The following EPHB1 variants were observed in gnomAD, a reference collection of about 807,000 sequenced individuals.
The protein encoded by EPHB1 is EPH receptor B1.
Under a neutral mutation model 94.4 loss-of-function variants are expected in EPHB1, and 30 were observed. The ratio of observed to expected loss-of-function variants is 0.32; its 90% CI spans 0.24 to 0.43. The LOEUF (loss-of-function observed/expected upper bound fraction) is 0.43. Among genes scored for constraint, EPHB1 ranks in the 20% least tolerant of loss-of-function variants. EPHB1 has a pLI of 1.00. For synonymous variants in EPHB1, 522 were observed against 489.1 expected, an observed-to-expected ratio of 1.07 and a Z score of -0.89; for missense variants, 1,055 against 1,308.3, an observed-to-expected ratio of 0.81 and a Z score of 2.99.
chr3:134,830,534 G>A (rs1289652127), intron 1 of EPHB1, among the ~76,000 whole-genome samples: 3 of 152,154 alleles, frequency 2.0e-5, no homozygotes, highest in African/African-American at 7.2e-5. Flanking sequence ...CTGGAGATGG[G>A]GGTCTGGGCC....
In EPHB1 at chr3:135,065,836, C is replaced by T. The variant is rs923822825; in HGVS notation, c.806-40612C>T. 3.9e-5 allele frequency among the ~76,000 whole-genome samples: 6 copies of T among 152,254 alleles called. No homozygotes were observed. In the South Asian group the frequency reaches 6.2e-4, roughly 16 times the overall value. On this transcript the variant is annotated intron_variant, in intron 3 of 15. Coordinates refer to ENST00000398015, the MANE Select transcript of EPHB1 (RefSeq NM_004441.5). ...AAAGAGGTTCTGTTTTGATATGTTTCCAGCATTTGTTTCAAGATTTAGAGC... is the reference window on the plus strand; with the variant it reads ...AAAGAGGTTCTGTTTTGATATGTTTTCAGCATTTGTTTCAAGATTTAGAGC...
intron 11 of EPHB1, among the ~76,000 whole-genome samples, chr3:135,196,989 G>T (rs1372240564): frequency 6.6e-6 from 1 of 151,966 alleles, no homozygotes; most frequent in Non-Finnish European, 1.5e-5. Context: ...GGGCGCGGTG[G>T]CTCACGCCTG....
chr3:135,104,245 C>A (rs1939129852), intron 3 of EPHB1, among the ~76,000 whole-genome samples: 1 of 152,036 alleles, frequency 6.6e-6, no homozygotes, highest in African/African-American at 2.4e-5. Context: ...AAGTGTTTCT[C>A]ACAGGAGATG....
At chr3:135,005,643 C>A (rs111585929) in intron 3 of EPHB1, among the ~76,000 whole-genome samples, 1 of 152,224 alleles carries the variant, frequency 6.6e-6, no homozygotes, top group African/African-American at 2.4e-5. Flanking sequence ...GAGCCAGGTG[C>A]GGGATATAAT....
intron 1 of EPHB1, among the ~76,000 whole-genome samples, chr3:134,837,614 G>A (rs561718797): frequency 6.6e-6 from 1 of 152,200 alleles, no homozygotes; most frequent in Non-Finnish European, 1.5e-5. Flanking sequence ...ACCCTAGTAG[G>A]GAGAAGAAAG....
intron 2 of EPHB1, among the ~76,000 whole-genome samples, chr3:134,941,857 C>A (rs183565082): frequency 2.0e-5 from 3 of 151,578 alleles, no homozygotes; most frequent in African/African-American, 4.8e-5. Flanking sequence ...GGCACTCTAG[C>A]AATAGAACTG....
chr3:135,154,023 C>T, intron 5 of EPHB1, 129 bp from the exon 6 acceptor site: 1 of 1,293,054 alleles, frequency 7.7e-7, no homozygotes. Context: ...AGGTCCAGCT[C>T]AGCTGATGAT....
chr3:135,159,752 C>T (rs73862037), intron 6 of EPHB1, among the ~76,000 whole-genome samples: 6,860 of 152,244 alleles, frequency 0.045, 512 homozygotes, highest in African/African-American at 0.16. Flanking sequence ...TGAGAATGGG[C>T]CTCTTTGTAA....
intron 1 of EPHB1, among the ~76,000 whole-genome samples, chr3:134,916,486 C>T (rs2038571960): frequency 6.6e-6 from 1 of 152,236 alleles, no homozygotes; most frequent in Admixed American, 6.5e-5. Context: ...TGGCGGGCTG[C>T]AGGTCCCGAG....
At chr3:135,087,749 A>G (rs1228015917) in intron 3 of EPHB1, among the ~76,000 whole-genome samples, 1 of 152,210 alleles carries the variant, frequency 6.6e-6, no homozygotes, top group African/African-American at 2.4e-5. Flanking sequence ...GGGAGCCGAC[A>G]CCCACTAGAG....
At chr3:135,136,664 T>C (rs2107688772) in intron 5 of EPHB1, among the ~76,000 whole-genome samples, 2 of 152,324 alleles carry the variant, frequency 1.3e-5, no homozygotes, top group Admixed American at 1.3e-4. Flanking sequence ...AGATGTTTTG[T>C]GGCCATTTTA....
At chr3:134,854,503 G>C (rs1014216490) in intron 1 of EPHB1, among the ~76,000 whole-genome samples, 4 of 152,148 alleles carry the variant, frequency 2.6e-5, no homozygotes, top group Non-Finnish European at 4.4e-5. Context: ...AGAACAGCCT[G>C]TGAAACTCGG....
rs1560268658 is a variant in EPHB1, at chr3:134,860,149, G to GGACACACACAGACACACA, written c.58+64470_58+64471insGACACACAGACACACACA. Among the ~76,000 whole-genome samples, 4 of 65,432 alleles carry GGACACACACAGACACACA rather than the reference G, an allele frequency of 6.1e-5. No individual in the cohort carries two copies. In the East Asian group the frequency reaches 1.3e-3, roughly 22 times the overall value. 42.9% of individuals were successfully genotyped at this position (65,432 alleles called of 152,430 possible). A position where few individuals can be genotyped will look rare whatever the true frequency, so the allele number is the denominator to read the frequency against. On this transcript the variant is annotated intron_variant, in intron 1 of 15. Coordinates refer to ENST00000398015, the MANE Select transcript of EPHB1 (RefSeq NM_004441.5). Reference sequence around the variant, plus strand: ...TCAGCTGTAACAAAAGAGAAGGAAGGGACACACACACACACACACACAGAC... The same window carrying GGACACACACAGACACACA: ...TCAGCTGTAACAAAAGAGAAGGAAGGGACACACACAGACACACAGACACACACACACACACACACAGAC...
chr3:135,192,621 A>G lies in EPHB1; in HGVS notation c.1928A>G (p.Lys643Arg), dbSNP rs1942490196. The change falls in exon 11 of 16, where the codon AAG becomes AGG. Residue 643 changes from lysine to arginine, a missense_variant. Transcript: ENST00000398015. Reference sequence around the variant, plus strand: ...AAGGGGCGTTTGAAACTGCCAGGCAAGAGGGAAATCTACGTGGCCATCAAG... The same window carrying G: ...AAGGGGCGTTTGAAACTGCCAGGCAGGAGGGAAATCTACGTGGCCATCAAG... ...VYKGRLKLPG[K>R]REIYVAIKTL... 6.2e-6 allele frequency: 10 copies of G among 1,613,916 alleles called. No homozygotes were observed. Among genetic ancestry groups the G allele is most frequent in the Non-Finnish European group, 8.5e-6 (10 of 1,179,950 alleles).
intron 5 of EPHB1, among the ~76,000 whole-genome samples, chr3:135,141,266 G>A (rs532595820): frequency 2.0e-5 from 3 of 151,662 alleles, no homozygotes; most frequent in Admixed American, 6.6e-5. Context: ...CTGTAGAAAC[G>A]GTGACGTATG....
chr3:135,222,838 C>A (rs766623906), intron 12 of EPHB1, among the ~76,000 whole-genome samples: 5 of 152,150 alleles, frequency 3.3e-5, no homozygotes, highest in Non-Finnish European at 5.9e-5. Flanking sequence ...ACACTGGGTA[C>A]AAATGCAAAT....
At chr3:135,003,568 C>T (rs1201894940) in intron 3 of EPHB1, among the ~76,000 whole-genome samples, 1 of 151,704 alleles carries the variant, frequency 6.6e-6, no homozygotes, top group African/African-American at 2.4e-5. Flanking sequence ...GTGTTAAAGT[C>T]TCCCATTATT....
chr3:134,815,750 G>C (rs998843906), intron 1 of EPHB1, among the ~76,000 whole-genome samples: 6 of 151,440 alleles, frequency 4.0e-5, no homozygotes, highest in Non-Finnish European at 8.9e-5. Flanking sequence ...TTGATGCCAG[G>C]GACTTTCTTT....
At chr3:135,137,987 G>A (rs975163375) in intron 5 of EPHB1, among the ~76,000 whole-genome samples, 1 of 152,184 alleles carries the variant, frequency 6.6e-6, no homozygotes, top group African/African-American at 2.4e-5. Flanking sequence ...GGTAGGAAGT[G>A]GAGCCCAGAA....
Sources: gnomAD v4.1 joint callset for allele counts (sites outside exome capture counted in the v4.1 genomes callset) on GRCh38, gnomAD v4.1.1 for gene constraint, MANE v1.5 for transcripts, NCBI Gene and HGNC (gene_info 2026-07-23, HGNC 2026-07-21) for gene names.